The following MYH3 variants were observed in gnomAD, a reference collection of about 807,000 sequenced individuals.
MYH3 encodes the protein myosin-3.
In MYH3, 130 loss-of-function variants were observed where a neutral mutation model predicts 238.0. The observed-to-expected ratio is 0.55, with a 90% CI of 0.47 to 0.63. The LOEUF is 0.63. MYH3 is among the 30% of genes least tolerant of loss of function. The pLI is 0.00. For missense variants in MYH3, 1,853 were observed against 2,374.9 expected (o/e 0.78, Z 4.57); for synonymous variants, 880 against 924.1 (o/e 0.95, Z 0.86).
In MYH3 at chr17:10,656,537, C is replaced by CAAAAA. The variant is rs71139057; in HGVS notation, c.-67-394_-67-390dup. Among the ~76,000 whole-genome samples, 416 of 55,726 alleles carry CAAAAA rather than the reference C, an allele frequency of 7.5e-3. 6 individuals are homozygous for CAAAAA. Among genetic ancestry groups the CAAAAA allele is most frequent in the African/African-American group, 0.02 (402 of 20,126 alleles). 36.6% of individuals were successfully genotyped at this position (55,726 alleles called of 152,430 possible). On this transcript the variant is annotated intron_variant, in intron 1 of 40. Transcript: ENST00000583535. ...GGGCGACAAGAGCAAAATTCTGTCT[C>CAAAAA]AAAAAAAAAAAAAAAAAAAAAAAAG...
the MYH3 span, among the ~76,000 whole-genome samples, chr17:10,670,588 C>T: frequency 6.6e-6 from 1 of 152,126 alleles, no homozygotes; most frequent in Non-Finnish European, 1.5e-5. The surrounding 1 kb of genome is among the most constrained non-coding windows in gnomAD (Gnocchi z 7.0). Flanking sequence ...GGATTGCAAG[C>T]ACATGCCACA....
rs757063447 is a variant in MYH3, at chr17:10,640,206, G to C, written c.2472C>G (p.Asn824Lys). The C allele has an allele frequency of 6.2e-7, 1 of 1,614,166 alleles. No homozygotes were observed. Among genetic ancestry groups the C allele is most frequent in the South Asian group, 1.1e-5 (1 of 91,080 alleles). Reference sequence around the variant, plus strand: ...GTTTCATCCAGGGCCAGTGCTTGACGTTCATGAATGAGCGAATGTTGTACT... The same window carrying C: ...GTTTCATCCAGGGCCAGTGCTTGACCTTCATGAATGAGCGAATGTTGTACT... ...CIQYNIRSFMNVKHWPWMKLF... is the reference protein window; with the variant it reads ...CIQYNIRSFMKVKHWPWMKLF... Residue 824 changes from asparagine (N) to lysine (K), a missense_variant, in exon 22 of 41, where the codon AAC (asparagine) becomes AAG (lysine). By Grantham distance (94) the Asn-to-Lys change is moderately conservative. Coordinates refer to ENST00000583535, the MANE Select transcript of MYH3 (RefSeq NM_002470.4).
rs1434188265 is a variant in MYH3 at position 10,642,177 on chromosome 17, A to G, written c.1959+63T>C. On this transcript the variant is annotated intron_variant, in intron 17 of 40. Transcript: ENST00000583535. The surrounding 1 kb of genome is among the most constrained non-coding windows in gnomAD (Gnocchi z 5.4). ...TCAAATAAATCAAGCTTAGAATCTCAGCATTGCTCATTTAGATGTCACTTA... is the reference window on the plus strand; with the variant it reads ...TCAAATAAATCAAGCTTAGAATCTCGGCATTGCTCATTTAGATGTCACTTA... 2 of 1,430,660 alleles carry G rather than the reference A, an allele frequency of 1.4e-6. No homozygotes were observed. The highest frequency in any genetic ancestry group is 1.4e-5 in the African/African-American group (1 of 71,172). 88.6% of individuals were successfully genotyped at this position (1,430,660 alleles called of 1,614,324 possible).
intron 40 of MYH3, 28 bp from the exon 41 acceptor site, chr17:10,628,707 A>C (rs767666165): frequency 6.2e-7 from 1 of 1,614,094 alleles, no homozygotes; most frequent in Non-Finnish European, 8.5e-7. Context: ...ACCTGGAGTC[A>C]AGTCGGGTGG....
chr17:10,628,714 G>T, intron 40 of MYH3, 35 bp from the exon 41 acceptor site: 1 of 1,613,690 alleles, frequency 6.2e-7, no homozygotes, highest in Non-Finnish European at 8.5e-7. Flanking sequence ...GTCAAGTCGG[G>T]TGGCAGAGAC....
At chr17:10,629,568 G>T (rs570950857) in intron 40 of MYH3, 29 bp downstream of exon 40, 1 of 1,611,948 alleles carries the variant, frequency 6.2e-7, no homozygotes, top group Admixed American at 1.7e-5. Flanking sequence ...AGTCCCTGGG[G>T]GGGGGCTCCT....
At chr17:10,630,228 G>T in intron 37 of MYH3, 32 bp from the exon 38 acceptor site, 1 of 1,614,078 alleles carries the variant, frequency 6.2e-7, no homozygotes, top group Non-Finnish European at 8.5e-7. Flanking sequence ...TTAGTCTGGG[G>T]CTGCAGCGTG....
intron 31 of MYH3, 110 bp from the exon 32 acceptor site, chr17:10,634,292 T>C: frequency 7.8e-7 from 1 of 1,279,912 alleles, no homozygotes; most frequent in Non-Finnish European, 1.1e-6. Flanking sequence ...TTGGCATCAC[T>C]TGCCTGGCTC....
At position 10,634,084 on chromosome 17, in the gene MYH3, C is replaced by G; in HGVS notation, c.4455G>C (p.Leu1485=). ...CTAAGGCTTCCTCGTAGGCATTTTT[C>G]AGTTTGAAGAGCTCAGTGCTCAAGG... ...SRSLSTELFK[L]KNAYEEALDQ... The change falls in exon 32 of 41, where the codon CTG becomes CTC. Residue 1485 remains leucine (L), a synonymous_variant. Coordinates refer to ENST00000583535, the MANE Select transcript of MYH3 (RefSeq NM_002470.4). 1 of 1,614,182 alleles carries G rather than the reference C, an allele frequency of 6.2e-7. No individual in the cohort carries two copies. Among genetic ancestry groups the G allele is most frequent in the Non-Finnish European group, 8.5e-7 (1 of 1,180,012 alleles).
chr17:10,673,686 G>T, the MYH3 span: 1 of 152,180 alleles, frequency 6.6e-6, no homozygotes, highest in Non-Finnish European at 1.5e-5. Flanking sequence ...CCTCAATCAG[G>T]TTTCAATTGA....
At chr17:10,653,495 T>G (rs2074398870) in intron 3 of MYH3, among the ~76,000 whole-genome samples, 1 of 152,094 alleles carries the variant, frequency 6.6e-6, no homozygotes. Flanking sequence ...TTCCTGCCCT[T>G]TCTGGGGTCA....
At chr17:10,651,200 A>AAC (rs1479450810) in intron 5 of MYH3, among the ~76,000 whole-genome samples, 5 of 151,412 alleles carry the variant, frequency 3.3e-5, no homozygotes, top group Non-Finnish European at 7.4e-5. Context: ...AAAAAAAAAA[A>AAC]AACCAGCCAG....
chr17:10,663,815 C>G, the MYH3 span, among the ~76,000 whole-genome samples: 1 of 152,084 alleles, frequency 6.6e-6, no homozygotes, highest in Non-Finnish European at 1.5e-5. Flanking sequence ...GTAATCCCAG[C>G]ACTTTGGGAG....
chr17:10,639,766 C>G lies in MYH3; in HGVS notation c.2719G>C (p.Asp907His). The change falls in exon 23 of 41, where the codon GAT becomes CAT. Residue 907 changes from aspartate (D) to histidine (H), a missense_variant. This residue lies in a region of MYH3 where 678 missense variants were observed against 1,058.9 expected (regional missense o/e 0.64). Coordinates refer to ENST00000583535, the MANE Select transcript of MYH3 (RefSeq NM_002470.4). ...ENLLDAEERC[D>H]QLIKAKFQLE... Reference sequence around the variant, plus strand: ...TGGAATTTGGCTTTGATCAGCTGATCGCATCTTTCCTCAGCATCCAACAAA... The same window carrying G: ...TGGAATTTGGCTTTGATCAGCTGATGGCATCTTTCCTCAGCATCCAACAAA... 6.2e-7 allele frequency: 1 copy of G among 1,613,526 alleles called. No homozygotes were observed.
Position 10,630,360 on chromosome 17 carries a change from C to T in MYH3, c.5385G>A (p.Gln1795=). Residue 1795 remains glutamine, a synonymous_variant, in exon 37 of 41, where the codon CAG becomes CAA. Transcript: ENST00000583535. ...KNLEQTVKDL[Q]HRLDEAEQLA... ...GCTGCTCGGCCTCATCTAGACGATGCTGCAGGTCCTTCACCGTCTGTTCCA... is the reference window on the plus strand; with the variant it reads ...GCTGCTCGGCCTCATCTAGACGATGTTGCAGGTCCTTCACCGTCTGTTCCA... The T allele has an allele frequency of 6.2e-7, 1 of 1,614,224 alleles. No homozygotes were observed. Among genetic ancestry groups the T allele is most frequent in the Non-Finnish European group, 8.5e-7 (1 of 1,180,056 alleles).
At chr17:10,652,085 G>A in intron 4 of MYH3, 1 of 411,466 alleles carries the variant, frequency 2.4e-6, no homozygotes, top group African/African-American at 2.0e-5. Context: ...ACTTATAAAG[G>A]GGGGAGGCTA....
chr17:10,632,775 C>T lies in MYH3; in HGVS notation c.4657G>A (p.Glu1553Lys). The T allele has an allele frequency of 6.2e-7, 1 of 1,614,206 alleles. No individual in the cohort carries two copies. The highest frequency in any genetic ancestry group is 8.5e-7 in the Non-Finnish European group (1 of 1,180,036). Residue 1553 changes from glutamate (E) to lysine (K), a missense_variant, in exon 34 of 41, where the codon GAG becomes AAG. By Grantham distance (56) the Glu-to-Lys change is moderately conservative (BLOSUM62 1). Transcript: ENST00000583535. ...CGGAGGATCTTGGCTTCTTCATGCTCAAGAGCAGCCTTTAAGAAACAAAAG... is the reference window on the plus strand; with the variant it reads ...CGGAGGATCTTGGCTTCTTCATGCTTAAGAGCAGCCTTTAAGAAACAAAAG... ...LALEEAEAAL[E>K]HEEAKILRIQ...
intron 27 of MYH3, 35 bp downstream of exon 27, chr17:10,638,008 G>A: frequency 6.2e-7 from 1 of 1,614,032 alleles, no homozygotes; most frequent in Non-Finnish European, 8.5e-7. Context: ...TGTGTCTGAT[G>A]GAAAGCCTTG....
chr17:10,648,422 AT>A, intron 8 of MYH3, 134 bp downstream of exon 8: 1 of 798,822 alleles, frequency 1.3e-6, no homozygotes, highest in Admixed American at 1.9e-5. Context: ...ATTTATCTTT[AT>A]CTGAAATGGT....
Sources: gnomAD v4.1 joint callset for allele counts (sites outside exome capture counted in the v4.1 genomes callset) on GRCh38, gnomAD v4.1.1 for gene constraint, gnomAD v4.1.1 regional missense constraint, Gnocchi (gnomAD v3.1) non-coding constraint, MANE v1.5 for transcripts, NCBI Gene and HGNC (gene_info 2026-07-23, HGNC 2026-07-21) for gene names.